The following PIEZO1 variants were observed in gnomAD, a reference collection of about 807,000 sequenced individuals.
PIEZO1 encodes the protein piezo-type mechanosensitive ion channel component 1.
Under a neutral mutation model 297.2 loss-of-function variants are expected in PIEZO1, and 296 were observed. The observed-to-expected ratio is 1.00, with a 90% CI of 0.91 to 1.10. The LOEUF is 1.10. Among genes scored for constraint, PIEZO1 ranks in the 50% least tolerant of loss-of-function variants. The pLI is 0.00. For synonymous variants in PIEZO1, 2,427 were observed against 1,507.5 expected, an observed-to-expected ratio of 1.61 and a Z score of -14.13; for missense variants, 5,018 against 3,455.5, an observed-to-expected ratio of 1.45 and a Z score of -11.34.
intron 1 of PIEZO1, among the ~76,000 whole-genome samples, chr16:88,774,636 G>A (rs1457707537): frequency 6.6e-6 from 1 of 152,192 alleles, no homozygotes; most frequent in Non-Finnish European, 1.5e-5. Context: ...AAAGGAAGCC[G>A]GCAATCCCGC....
intron 2 of PIEZO1, among the ~76,000 whole-genome samples, chr16:88,748,837 A>AT (rs1906207968): frequency 6.9e-6 from 1 of 144,290 alleles, no homozygotes; most frequent in South Asian, 2.3e-4. Context: ...GGAGGCTGGG[A>AT]TGCGAGGATT....
intron 44 of PIEZO1, chr16:88,717,837 A>AAAAAC: frequency 2.3e-6 from 1 of 440,268 alleles, no homozygotes; most frequent in Non-Finnish European, 4.5e-6. Flanking sequence ...AACTCTAATA[A>AAAAAC]AAAACAACCC....
chr16:88,767,743 A>T (rs1907240988), intron 1 of PIEZO1, among the ~76,000 whole-genome samples: 1 of 152,162 alleles, frequency 6.6e-6, no homozygotes. Context: ...GGCAGAGCCA[A>T]GCCAGAACAT....
At chr16:88,725,128 G>C (rs966704251) in intron 29 of PIEZO1, 48 bp from the exon 30 acceptor site, 13 of 1,358,970 alleles carry the variant, frequency 9.6e-6, no homozygotes, top group Admixed American at 2.6e-5. Flanking sequence ...GCCACCAGGA[G>C]GGGTCGGGGC....
chr16:88,778,650 T>C (rs938836796), intron 1 of PIEZO1, among the ~76,000 whole-genome samples: 2 of 152,180 alleles, frequency 1.3e-5, no homozygotes, highest in Non-Finnish European at 2.9e-5. Context: ...AGCGTCCCCA[T>C]GGGCCCGGCA....
rs1911994726 is a variant in PIEZO1 at position 88,716,018 on chromosome 16, A to T, written c.7231T>A (p.Cys2411Ser). 7 of 1,549,722 alleles carry T rather than the reference A, an allele frequency of 4.5e-6. No individual in the cohort carries two copies. The South Asian group carries it at 5.9e-5, about 13-fold the overall frequency. ...GGCAGCAGGTTGCAGTCGGTCCGGC[A>T]CTCCTGCAGCTCGATGACCCACCAT... ...LEWWVIELQE[C>S]RTDCNLLPMV... is the part of the protein sequence containing the mutation. Residue 2411 changes from cysteine to serine, a missense_variant, in exon 50 of 51, where the codon TGC (cysteine) becomes AGC (serine). Coordinates refer to ENST00000301015, the MANE Select transcript of PIEZO1 (RefSeq NM_001142864.4).
chr16:88,773,834 G>A (rs549703477), intron 1 of PIEZO1, among the ~76,000 whole-genome samples: 6 of 152,174 alleles, frequency 3.9e-5, no homozygotes, highest in Admixed American at 2.0e-4. Context: ...AGGGTCACTC[G>A]ACCCCAGCCC....
At chr16:88,736,554 A>C in intron 11 of PIEZO1, 85 bp downstream of exon 11, 1 of 975,968 alleles carries the variant, frequency 1.0e-6, no homozygotes, top group South Asian at 1.7e-5. Context: ...GGGGCTGCAC[A>C]GCTGCCCAGC....
chr16:88,716,827 G>C lies in PIEZO1; in HGVS notation c.6732C>G (p.Ser2244=), dbSNP rs538202455. 1 of 1,550,068 alleles carries C rather than the reference G, an allele frequency of 6.5e-7. No homozygotes were observed. The highest frequency in any genetic ancestry group is 1.2e-5 in the South Asian group (1 of 84,058). ...TTACCGGCTGGGGGTCAAACTGCCG[G>C]GACAGCTCCTCATAGGCCTGGGCCG... ...PFTAQAYEEL[S]RQFDPQPLAM... Residue 2244 remains serine (S), a synonymous_variant, in exon 46 of 51, where the codon TCC becomes TCG. Transcript: ENST00000301015.
chr16:88,741,676 G>C, intron 4 of PIEZO1, 60 bp from the exon 5 acceptor site: 1 of 1,477,202 alleles, frequency 6.8e-7, no homozygotes, highest in African/African-American at 1.5e-5. Flanking sequence ...GTGTGAGTGT[G>C]GATGGGTCTC....
At position 88,784,968 on chromosome 16, in the gene PIEZO1, TG is replaced by T; in HGVS notation, c.-5del. ...CGCCGAGCACGTGCGGCTCCATGGC[TG>T]GAGGGCCCAGGGCCCGGCCCAGACC... On this transcript the variant is annotated 5_prime_UTR_variant, in exon 1 of 51. Coordinates refer to ENST00000301015, the MANE Select transcript of PIEZO1 (RefSeq NM_001142864.4). The T allele has an allele frequency of 7.3e-7, 1 of 1,362,188 alleles. No individual in the cohort carries two copies. Among genetic ancestry groups the T allele is most frequent in the Non-Finnish European group, 9.5e-7 (1 of 1,048,320 alleles). 84.4% of individuals were successfully genotyped at this position (1,362,188 alleles called of 1,614,324 possible).
At chr16:88,783,942 T>C (rs1461620612) in intron 1 of PIEZO1, among the ~76,000 whole-genome samples, 1 of 152,220 alleles carries the variant, frequency 6.6e-6, no homozygotes, top group African/African-American at 2.4e-5. Context: ...GCCGTGTCCA[T>C]GGCGGACTCC....
Position 88,726,593 on chromosome 16 carries a change from G to A in PIEZO1, c.3750C>T (p.Val1250=), listed in dbSNP as rs1045706309. The change falls in exon 26 of 51, where the codon GTC becomes GTT. Residue 1250 remains valine, a synonymous_variant. Coordinates refer to ENST00000301015, the MANE Select transcript of PIEZO1 (RefSeq NM_001142864.4). Reference sequence around the variant, plus strand: ...TGCATACAAGGCTGAAGAGCTGGATGACCCAGCAGAAGCCGGTCTGCATCT... The same window carrying A: ...TGCATACAAGGCTGAAGAGCTGGATAACCCAGCAGAAGCCGGTCTGCATCT... ...VEQMQTGFCW[V]IQLFSLVCTV... is the part of the protein sequence containing the mutation. 119 of 1,545,188 alleles carry A rather than the reference G, an allele frequency of 7.7e-5. No individual in the cohort carries two copies. Among genetic ancestry groups the A allele is most frequent in the Admixed American group, 2.0e-4 (10 of 50,728 alleles).
At chr16:88,755,473 C>T (rs187125877) in intron 1 of PIEZO1, among the ~76,000 whole-genome samples, 29 of 152,370 alleles carry the variant, frequency 1.9e-4, no homozygotes, top group Admixed American at 1.5e-3. Flanking sequence ...CGTTCCCAGC[C>T]ACCTGCACAT....
At chr16:88,776,075 G>A (rs946662206) in intron 1 of PIEZO1, among the ~76,000 whole-genome samples, 2 of 152,210 alleles carry the variant, frequency 1.3e-5, no homozygotes, top group African/African-American at 4.8e-5. Flanking sequence ...GAGCGCAGGG[G>A]CAGTTTCCTT....
intron 1 of PIEZO1, among the ~76,000 whole-genome samples, chr16:88,755,659 G>T (rs1906618446): frequency 6.6e-6 from 1 of 152,228 alleles, no homozygotes; most frequent in Admixed American, 6.5e-5. Flanking sequence ...AGTATCTGGG[G>T]GTTGCTTTGC....
chr16:88,750,089 G>A (rs1337414410), intron 1 of PIEZO1, among the ~76,000 whole-genome samples: 1 of 150,186 alleles, frequency 6.7e-6, no homozygotes, highest in Non-Finnish European at 1.5e-5. Flanking sequence ...AATCCCAGCA[G>A]TTTGGGAGGC....
intron 1 of PIEZO1, among the ~76,000 whole-genome samples, chr16:88,766,735 C>A (rs1244049356): frequency 1.3e-5 from 2 of 152,252 alleles, no homozygotes; most frequent in Non-Finnish European, 2.9e-5. Flanking sequence ...GGGCTCATAA[C>A]CACTAGGTGG....
chr16:88,743,877 G>A (rs1192031748), intron 2 of PIEZO1: 2 of 321,050 alleles, frequency 6.2e-6, no homozygotes, highest in South Asian at 2.4e-5. Context: ...AGGATGGGAG[G>A]GGTGAGCAGC....
Sources: allele counts gnomAD v4.1 joint callset (sites outside exome capture counted in the v4.1 genomes callset), GRCh38; gene constraint gnomAD v4.1.1; transcripts MANE v1.5; gene names NCBI Gene and HGNC (gene_info 2026-07-23, HGNC 2026-07-21).